FOCAD: variants seen among roughly 807,000 people sequenced by gnomAD.
The protein encoded by FOCAD is focadhesin, also known as KIAA1797.
FOCAD carries 198 observed loss-of-function variants against 225.6 expected under a neutral mutation model. That is an observed-to-expected ratio of 0.88 (90% CI 0.78 to 0.99). The LOEUF (loss-of-function observed/expected upper bound fraction) is 0.99, where lower values mean the gene tolerates loss of function less well. Among genes scored for constraint, FOCAD ranks in the 50% least tolerant of loss-of-function variants. The probability of loss-of-function intolerance (pLI) is 0.00; values close to 1 mark genes in which losing one functional copy is unlikely to be tolerated. For missense variants in FOCAD, 2,713 were observed against 2,123.6 expected, an observed-to-expected ratio of 1.28 and a Z score of -5.46; for synonymous variants, 897 against 755.0, an observed-to-expected ratio of 1.19 and a Z score of -3.08.
intron 23 of FOCAD, among the ~76,000 whole-genome samples, chr9:20,913,580 C>T (rs1833625083): frequency 6.6e-6 from 1 of 152,134 alleles, no homozygotes; most frequent in Admixed American, 6.5e-5. Context: ...TGCCTACAAC[C>T]ACAGGTTGCT....
intron 11 of FOCAD, among the ~76,000 whole-genome samples, chr9:20,802,439 T>TG (rs1821949320): frequency 6.6e-6 from 1 of 152,128 alleles, no homozygotes; most frequent in African/African-American, 2.4e-5. Context: ...TCAAAGGGAA[T>TG]TTTTAGTAGA....
intron 35 of FOCAD, among the ~76,000 whole-genome samples, chr9:20,961,263 T>C (rs190028962): frequency 6.6e-6 from 1 of 151,786 alleles, no homozygotes; most frequent in Admixed American, 6.6e-5. Flanking sequence ...TATTTAACTA[T>C]TCAGTTATCT....
Position 20,946,825 on chromosome 9 carries a change from G to C in FOCAD, c.3675+5G>C, listed in dbSNP as rs1837231431. On this transcript the variant is annotated splice_donor_5th_base_variant and intron_variant, in intron 30 of 43. Transcript: ENST00000338382. ...TTAGTGGAGAATAGCCAGCAGGTTG[G>C]AACGTGTGCCCTGATTATTTCTCTC... 2 of 1,613,196 alleles carry C rather than the reference G, an allele frequency of 1.2e-6. No homozygotes were observed. The highest frequency in any genetic ancestry group is 4.5e-5 in the East Asian group (2 of 44,860).
intron 35 of FOCAD, among the ~76,000 whole-genome samples, chr9:20,971,517 A>G (rs1286201300): frequency 6.6e-6 from 1 of 151,846 alleles, no homozygotes; most frequent in Non-Finnish European, 1.5e-5. Context: ...TTGGCTCACC[A>G]TAACCTTCAC....
intron 28 of FOCAD, among the ~76,000 whole-genome samples, chr9:20,938,897 C>G (rs1446940294): frequency 6.6e-6 from 1 of 150,924 alleles, no homozygotes; most frequent in Non-Finnish European, 1.5e-5. Flanking sequence ...GTATTATTAC[C>G]ACTGAACTGT....
chr9:20,927,948 T>TTA (rs1835112000), intron 26 of FOCAD: 1 of 145,962 alleles, frequency 6.9e-6, no homozygotes, highest in Admixed American at 6.8e-5. Flanking sequence ...ATAGTTGAGG[T>TTA]AAAAAAAAAA....
intron 6 of FOCAD, among the ~76,000 whole-genome samples, chr9:20,762,650 A>G (rs1437760812): frequency 2.6e-5 from 4 of 152,164 alleles, no homozygotes; most frequent in Non-Finnish European, 5.9e-5. Flanking sequence ...GTCAAGTGTT[A>G]TTTATTTTAT....
At chr9:20,939,519 C>G (rs980331557) in intron 28 of FOCAD, among the ~76,000 whole-genome samples, 2 of 152,076 alleles carry the variant, frequency 1.3e-5, no homozygotes, top group Non-Finnish European at 2.9e-5. Context: ...CATCAGTTTT[C>G]AGGAAGGTTG....
At chr9:20,843,715 T>A (rs1382894155) in intron 15 of FOCAD, among the ~76,000 whole-genome samples, 1 of 152,140 alleles carries the variant, frequency 6.6e-6, no homozygotes, top group African/African-American at 2.4e-5. Flanking sequence ...TCTTTCTACC[T>A]CCTCTAGGAT....
chr9:20,703,168 C>G (rs1446918053), intron 1 of FOCAD, among the ~76,000 whole-genome samples: 1 of 124,946 alleles, frequency 8.0e-6, no homozygotes, highest in East Asian at 2.4e-4. Flanking sequence ...AAGTAGGGGA[C>G]TATTTGAGGC....
chr9:20,721,477 G>A (rs909860054), intron 4 of FOCAD, among the ~76,000 whole-genome samples: 2 of 152,016 alleles, frequency 1.3e-5, no homozygotes, highest in East Asian at 1.9e-4. Flanking sequence ...TGAGGCGGGC[G>A]GATCACCTGA....
intron 11 of FOCAD, among the ~76,000 whole-genome samples, chr9:20,811,227 C>T (rs1418519058): frequency 6.6e-6 from 1 of 152,004 alleles, no homozygotes; most frequent in Non-Finnish European, 1.5e-5. Flanking sequence ...TCATCCCTGT[C>T]TTTGTGGGGC....
chr9:20,751,997 A>G, intron 5 of FOCAD, among the ~76,000 whole-genome samples: 1 of 143,218 alleles, frequency 7.0e-6, no homozygotes, highest in Admixed American at 7.1e-5. Flanking sequence ...CCACTTTTTG[A>G]TGGGGTTGTT....
rs56734353 is a variant in FOCAD, at chr9:20,947,802, G to A, written c.3676-469G>A. Among the ~76,000 whole-genome samples the A allele has an allele frequency of 1.4e-3, 207 of 152,160 alleles. 1 individual carries two copies. Among genetic ancestry groups the A allele is most frequent in the African/African-American group, 4.5e-3 (187 of 41,526 alleles). ...TGCAGAATTCATTGGTTTTAAGCTC[G>A]TAATGTTATCGTTACTGTTTTATGG... is the stretch of plus-strand genomic sequence containing the variant. On this transcript the variant is annotated intron_variant, in intron 30 of 43. Transcript: ENST00000338382.
At position 20,978,448 on chromosome 9, in the gene FOCAD, T is replaced by C. The variant is rs750399458; in HGVS notation, c.4371T>C (p.Ser1457=). 2 of 1,603,796 alleles carry C rather than the reference T, an allele frequency of 1.2e-6. No homozygotes were observed. Among genetic ancestry groups the C allele is most frequent in the East Asian group, 4.5e-5 (2 of 44,434 alleles). The part of the protein sequence containing the change: ...GLWVTPPLIH[S]LSLNTKRYLL... ...GGGTGACACCACCACTGATCCACAGTCTGAGTGTATGTAGTAACTAAGGGT... is the reference window on the plus strand; with the variant it reads ...GGGTGACACCACCACTGATCCACAGCCTGAGTGTATGTAGTAACTAAGGGT... The change falls in exon 37 of 44, where the codon AGT becomes AGC. Residue 1457 remains serine (S), a synonymous_variant. Coordinates refer to ENST00000338382, the MANE Select transcript of FOCAD (RefSeq NM_001375567.1).
intron 23 of FOCAD, 139 bp from the exon 24 acceptor site, chr9:20,916,754 C>G: frequency 1.4e-6 from 1 of 737,508 alleles, no homozygotes; most frequent in Non-Finnish European, 2.2e-6. Flanking sequence ...ACAGTTCTTT[C>G]ACCTTATACT....
At position 20,919,800 on chromosome 9, in the gene FOCAD, C is replaced by T. The variant is rs540948136; in HGVS notation, c.2852+2863C>T. Among the ~76,000 whole-genome samples the T allele has an allele frequency of 4.3e-4, 66 of 152,196 alleles. No individual in the cohort carries two copies. In the Middle Eastern group the frequency reaches 0.01, roughly 24 times the overall value. ...CTGGATCCCTTCCTTACACCTTATA[C>T]GAAAATTAATTCAAGATGGATTAAA... is the stretch of plus-strand genomic sequence containing the variant. On this transcript the variant is annotated intron_variant, in intron 24 of 43. Transcript: ENST00000338382.
intron 2 of FOCAD, among the ~76,000 whole-genome samples, chr9:20,676,019 G>A (rs894490092): frequency 2.6e-5 from 4 of 152,172 alleles, no homozygotes; most frequent in Non-Finnish European, 5.9e-5. Context: ...AAAACCTGAA[G>A]TAGAATCTGT....
At chr9:20,921,399 T>C (rs1214487004) in intron 24 of FOCAD, among the ~76,000 whole-genome samples, 1 of 152,234 alleles carries the variant, frequency 6.6e-6, no homozygotes, top group Non-Finnish European at 1.5e-5. Context: ...AATTAGTCTC[T>C]CTTGTTTGAC....
Sources: allele counts gnomAD v4.1 joint callset (sites outside exome capture counted in the v4.1 genomes callset), GRCh38; gene constraint gnomAD v4.1.1; transcripts MANE v1.5; gene names NCBI Gene and HGNC (gene_info 2026-07-23, HGNC 2026-07-21).